SREBF1: variants seen among roughly 807,000 people sequenced by gnomAD.
The protein encoded by SREBF1 is sterol regulatory element-binding protein 1.
Under a neutral mutation model 100.1 loss-of-function variants are expected in SREBF1, and 45 were observed. That is an observed-to-expected ratio of 0.45 (90% CI 0.35 to 0.58). SREBF1 has a LOEUF of 0.58. Among genes scored for constraint, SREBF1 ranks in the 20% least tolerant of loss-of-function variants. SREBF1 has a pLI of 0.00. For missense variants in SREBF1, 1,324 were observed against 1,539.4 expected, an observed-to-expected ratio of 0.86 and a Z score of 2.34; for synonymous variants, 657 against 681.8, an observed-to-expected ratio of 0.96 and a Z score of 0.57.
In SREBF1 at chr17:17,811,350, G is replaced by T; in HGVS notation, c.*1272C>A. 4.2e-6 allele frequency: 1 copy of T among 239,230 alleles called. No homozygotes were observed. 14.8% of individuals were successfully genotyped at this position (239,230 alleles called of 1,614,324 possible). ...CACTGAAGATTGTGTGTATCGAGCT[G>T]TTTCTAAAAGATGTTTATTTTCCTT... On this transcript the variant is annotated 3_prime_UTR_variant, in exon 19 of 19. Transcript: ENST00000261646.
chr17:17,816,075 C>G (rs2048693893), intron 11 of SREBF1, 47 bp from the exon 12 acceptor site: 5 of 1,598,734 alleles, frequency 3.1e-6, no homozygotes, highest in Non-Finnish European at 4.3e-6. Context: ...AGCCTGGGGC[C>G]AGACCCCGGG....
chr17:17,823,526 G>A, intron 1 of SREBF1: 1 of 1,612,604 alleles, frequency 6.2e-7, no homozygotes, highest in African/African-American at 1.3e-5. Flanking sequence ...ACCTTCGAAA[G>A]TGCAATCCAT....
intron 1 of SREBF1, among the ~76,000 whole-genome samples, chr17:17,825,723 T>G (rs2034450990): frequency 6.7e-6 from 1 of 148,784 alleles, no homozygotes; most frequent in African/African-American, 2.5e-5. Context: ...CTCTCCTGCC[T>G]CAGCCTCCTG....
At position 17,818,665 on chromosome 17, in the gene SREBF1, T is replaced by C. The variant is rs1040455577; in HGVS notation, c.1069-291A>G. On this transcript the variant is annotated intron_variant, in intron 5 of 18. Coordinates refer to ENST00000261646, the MANE Select transcript of SREBF1 (RefSeq NM_004176.5). ...GGCTACCACCAGGGGACCCTCACCATCCTCTTCCTGCTTTCTCTGCAACGA... is the reference window on the plus strand; with the variant it reads ...GGCTACCACCAGGGGACCCTCACCACCCTCTTCCTGCTTTCTCTGCAACGA... The C allele has an allele frequency of 5.5e-6, 3 of 542,602 alleles. No individual in the cohort carries two copies. The African/African-American group carries it at 5.7e-5, about 10-fold the overall frequency. 33.6% of individuals were successfully genotyped at this position (542,602 alleles called of 1,614,324 possible).
chr17:17,818,000 A>G lies in SREBF1; in HGVS notation c.1184-84T>C. On this transcript the variant is annotated intron_variant, in intron 6 of 18. Coordinates refer to ENST00000261646, the MANE Select transcript of SREBF1 (RefSeq NM_004176.5). This position sits in a 1 kb window ranked among gnomAD's most constrained non-coding sequence, Gnocchi z 6.6. ...AGCCTAGGCCCTTGGAGGCCTAGGG[A>G]CTACTGTAGCTCCTAAAGCTAGCCC... 1 of 1,385,180 alleles carries G rather than the reference A, an allele frequency of 7.2e-7. No homozygotes were observed. Among genetic ancestry groups the G allele is most frequent in the Non-Finnish European group, 1.0e-6 (1 of 985,738 alleles). 85.8% of individuals were successfully genotyped at this position (1,385,180 alleles called of 1,614,324 possible). A position where few individuals can be genotyped will look rare whatever the true frequency, so the allele number is the denominator to read the frequency against.
At chr17:17,814,009 C>G (rs973854465) in intron 16 of SREBF1, 1 of 657,074 alleles carries the variant, frequency 1.5e-6, no homozygotes, top group Non-Finnish European at 2.6e-6. Context: ...CAAAGGGATC[C>G]TACCACACCA....
chr17:17,812,828 G>C lies in SREBF1; in HGVS notation c.3238C>G (p.Arg1080Gly). 1 of 1,475,498 alleles carries C rather than the reference G, an allele frequency of 6.8e-7. No homozygotes were observed. Among genetic ancestry groups the C allele is most frequent in the Non-Finnish European group, 8.9e-7 (1 of 1,120,414 alleles). The allele number at this position is 1,475,498 out of a possible 1,614,324, so 91.4% of individuals were successfully genotyped here. A position where few individuals can be genotyped will look rare whatever the true frequency, so the allele number is the denominator to read the frequency against. The part of the protein sequence containing the change: ...KGGAVAELEP[R>G]PTRREHAEAL... Reference sequence around the variant, plus strand: ...TCCGCGTGCTCCCGCCGCGTGGGCCGCGGCTCCAGCTCCGCCACCGCGCCT... The same window carrying C: ...TCCGCGTGCTCCCGCCGCGTGGGCCCCGGCTCCAGCTCCGCCACCGCGCCT... The change falls in exon 19 of 19, where the codon CGG becomes GGG. Residue 1080 changes from arginine to glycine, a missense_variant. By Grantham distance (125) the Arg-to-Gly change is moderately radical. Transcript: ENST00000261646.
rs13306742 is a variant in SREBF1, at chr17:17,819,538, C to T, written c.711G>A (p.Pro237=). ...CCAACCCCTGGCCAGACCCCCTCAC[C>T]GGGACCTGCTGGATCTGCGAGGTCA... The part of the protein sequence containing the change: ...TTVTSQIQQV[P]VLLQPHFIKA... The change falls in exon 3 of 19, where the codon CCG becomes CCA. Residue 237 remains proline, a splice_region_variant and synonymous_variant. Transcript: ENST00000261646. 1.1e-5 allele frequency: 18 copies of T among 1,613,484 alleles called. No homozygotes were observed. The highest frequency in any genetic ancestry group is 1.6e-4 in the Middle Eastern group (1 of 6,084).
intron 1 of SREBF1, among the ~76,000 whole-genome samples, chr17:17,835,520 A>G (rs1305021770): frequency 1.3e-5 from 2 of 152,162 alleles, no homozygotes; most frequent in Non-Finnish European, 2.9e-5. Context: ...CTGTTTTGCC[A>G]ACCCCAGGGT....
At chr17:17,819,901 G>C in intron 2 of SREBF1, 176 bp from the exon 3 acceptor site, 3 of 1,179,960 alleles carry the variant, frequency 2.5e-6, no homozygotes, top group Non-Finnish European at 3.5e-6. Flanking sequence ...CAGGCCTCCA[G>C]TGCGAGGTTG....
intron 1 of SREBF1, among the ~76,000 whole-genome samples, chr17:17,826,399 G>A (rs1194364982): frequency 6.6e-6 from 1 of 151,958 alleles, no homozygotes; most frequent in Non-Finnish European, 1.5e-5. Flanking sequence ...TCCCTGTCCT[G>A]GAAGCTGGGA....
chr17:17,817,998 G>A lies in SREBF1; in HGVS notation c.1184-82C>T, dbSNP rs1279984812. On this transcript the variant is annotated intron_variant, in intron 6 of 18. Coordinates refer to ENST00000261646, the MANE Select transcript of SREBF1 (RefSeq NM_004176.5). The surrounding 1 kb of genome is among the most constrained non-coding windows in gnomAD (Gnocchi z 6.6). ...AGAGCCTAGGCCCTTGGAGGCCTAG[G>A]GACTACTGTAGCTCCTAAAGCTAGC... 2.1e-6 allele frequency: 3 copies of A among 1,419,254 alleles called. No individual in the cohort carries two copies. The highest frequency in any genetic ancestry group is 2.3e-5 in the South Asian group (2 of 87,068). The allele number at this position is 1,419,254 out of a possible 1,614,324, so 87.9% of individuals were successfully genotyped here.
chr17:17,818,013 C>G, intron 6 of SREBF1, 97 bp from the exon 7 acceptor site: 1 of 1,302,900 alleles, frequency 7.7e-7, no homozygotes, highest in South Asian at 1.2e-5. Flanking sequence ...ACTGTAGCTC[C>G]TAAAGCTAGC....
rs749413444 is a variant in SREBF1, at chr17:17,812,608, C to G, written c.*14G>C. ...TGGCTAGAGACAGGGGTGCTGAGGC[C>G]GGGGACACGGGGTCTAGCTGGAAGT... On this transcript the variant is annotated 3_prime_UTR_variant, in exon 19 of 19. Coordinates refer to ENST00000261646, the MANE Select transcript of SREBF1 (RefSeq NM_004176.5). The G allele has an allele frequency of 1.9e-6, 3 of 1,587,814 alleles. No individual in the cohort carries two copies. Among genetic ancestry groups the G allele is most frequent in the Non-Finnish European group, 2.6e-6 (3 of 1,165,958 alleles).
intron 1 of SREBF1, among the ~76,000 whole-genome samples, chr17:17,822,505 C>A (rs911677268): frequency 6.6e-6 from 1 of 152,250 alleles, no homozygotes; most frequent in Non-Finnish European, 1.5e-5. Flanking sequence ...CCCACCTCAG[C>A]CCCACCTGGC....
At position 17,824,473 on chromosome 17, in the gene SREBF1, C is replaced by A. The variant is rs115376028; in HGVS notation, c.92-3952G>T. Among the ~76,000 whole-genome samples the A allele has an allele frequency of 3.2e-3, 482 of 152,310 alleles. 4 individuals carry two copies. The highest frequency in any genetic ancestry group is 0.011 in the African/African-American group (453 of 41,560). The stretch of plus-strand genomic sequence containing the variant: ...TATTCATTGTAGGGCCCTGGGAAGC[C>A]AGGAAGGGCTGCAGTCCCTAGGACA... On this transcript the variant is annotated intron_variant, in intron 1 of 18. Coordinates refer to ENST00000261646, the MANE Select transcript of SREBF1 (RefSeq NM_004176.5). The surrounding 1 kb of genome is among the most constrained non-coding windows in gnomAD (Gnocchi z 4.2).
intron 1 of SREBF1, among the ~76,000 whole-genome samples, chr17:17,827,654 C>T (rs1174202982): frequency 1.3e-5 from 2 of 152,160 alleles, no homozygotes; most frequent in East Asian, 3.9e-4. Context: ...GCCCCAGGTG[C>T]ACCTGGGCGC....
chr17:17,818,847 C>A, intron 5 of SREBF1, 166 bp downstream of exon 5: 1 of 785,166 alleles, frequency 1.3e-6, no homozygotes, highest in Non-Finnish European at 2.1e-6. Flanking sequence ...AAGAGGCCTG[C>A]AAACCAGTTT....
chr17:17,831,136 G>T (rs1227109926), intron 1 of SREBF1, among the ~76,000 whole-genome samples: 1 of 41,542 alleles, frequency 2.4e-5, no homozygotes, highest in Non-Finnish European at 7.3e-5. Flanking sequence ...TGAATGGTTG[G>T]AGACCAGGGG....
Sources: gnomAD v4.1 joint callset for allele counts (sites outside exome capture counted in the v4.1 genomes callset) on GRCh38, gnomAD v4.1.1 for gene constraint, Gnocchi (gnomAD v3.1) non-coding constraint, MANE v1.5 for transcripts, NCBI Gene and HGNC (gene_info 2026-07-23, HGNC 2026-07-21) for gene names.